The following DNAJC10 variants were observed in gnomAD, a reference collection of about 807,000 sequenced individuals.
DNAJC10 encodes endoplasmic reticulum disulfide reductase DNAJC10.
DNAJC10 carries 101 observed loss-of-function variants against 115.0 expected under a neutral mutation model. That is an observed-to-expected ratio of 0.88 (90% CI 0.75 to 1.04). The LOEUF (loss-of-function observed/expected upper bound fraction) is 1.04. DNAJC10 is among the 50% of genes least tolerant of loss of function. DNAJC10 has a pLI of 0.00. For missense variants in DNAJC10, 981 were observed against 928.8 expected, an observed-to-expected ratio of 1.06 and a Z score of -0.73; for synonymous variants, 307 against 301.5, an observed-to-expected ratio of 1.02 and a Z score of -0.19.
At chr2:182,772,450 A>C (rs1340956363) in intron 22 of DNAJC10, among the ~76,000 whole-genome samples, 2 of 152,170 alleles carry the variant, frequency 1.3e-5, no homozygotes, top group African/African-American at 4.8e-5. Flanking sequence ...GTGGGAGTCT[A>C]AGTGTCTTTG....
At position 182,782,734 on chromosome 2, in the gene DNAJC10, A is replaced by G. The variant is rs750179047; in HGVS notation, c.*5602A>G. 7 of 152,206 alleles carry G rather than the reference A, an allele frequency of 4.6e-5. No homozygotes were observed. The highest frequency in any genetic ancestry group is 1.0e-4 in the Non-Finnish European group (7 of 68,040). The allele number at this position is 152,206 out of a possible 1,614,324, so 9.4% of individuals were successfully genotyped here. A position where few individuals can be genotyped will look rare whatever the true frequency, so the allele number is the denominator to read the frequency against. ...CTCTCTGTTTGTCAATTATTGGTGT[A>G]TAGGAATGCTTGTGATTTTTGCACA... is the stretch of plus-strand genomic sequence containing the variant. On this transcript the variant is annotated 3_prime_UTR_variant, in exon 24 of 24. Transcript: ENST00000264065.
At chr2:182,756,557 C>T (rs1222628408) in intron 18 of DNAJC10, 88 bp downstream of exon 18, 8 of 1,260,834 alleles carry the variant, frequency 6.3e-6, no homozygotes, top group Non-Finnish European at 8.8e-6. Flanking sequence ...GTGAATGAAC[C>T]CACAACTAAA....
At chr2:182,729,119 C>A in intron 7 of DNAJC10, 125 bp downstream of exon 7, 1 of 951,380 alleles carries the variant, frequency 1.1e-6, no homozygotes, top group Non-Finnish European at 1.6e-6. Context: ...TGCCATCTCA[C>A]TAGTCTTCTG....
Position 182,728,995 on chromosome 2 carries a change from G to T in DNAJC10, c.633+1G>T, listed in dbSNP as rs1469715999. 6.2e-7 allele frequency: 1 copy of T among 1,613,724 alleles called. No homozygotes were observed. Among genetic ancestry groups the T allele is most frequent in the African/African-American group, 1.3e-5 (1 of 74,912 alleles). ...CCTCTTCATTTTTCGGTCTGGAATG[G>T]TAAGGGATAAAGTTAGCATTTTTTA... On this transcript the variant is annotated splice_donor_variant, in intron 7 of 23. Coordinates refer to ENST00000264065, the MANE Select transcript of DNAJC10 (RefSeq NM_018981.4). LOFTEE classifies it high-confidence loss of function.
At position 182,757,701 on chromosome 2, in the gene DNAJC10, G is replaced by A; in HGVS notation, c.1819G>A (p.Gly607Arg). 3 of 1,562,828 alleles carry A rather than the reference G, an allele frequency of 1.9e-6. No individual in the cohort carries two copies. The highest frequency in any genetic ancestry group is 2.3e-5 in the East Asian group (1 of 43,628). The change falls in exon 19 of 24, where the codon GGA (glycine) becomes AGA (arginine). Residue 607 changes from glycine (G) to arginine (R), a missense_variant. Coordinates refer to ENST00000264065, the MANE Select transcript of DNAJC10 (RefSeq NM_018981.4). ...EWKRMARTLT[G>R]LINVGSIDCQ... Reference sequence around the variant, plus strand: ...GTTTTTTCTTTTACAGACATTAACTGGACTGATCAACGTGGGCAGTATAGA... The same window carrying A: ...GTTTTTTCTTTTACAGACATTAACTAGACTGATCAACGTGGGCAGTATAGA...
intron 11 of DNAJC10, chr2:182,739,913 C>T (rs1401887219): frequency 4.7e-5 from 46 of 986,380 alleles, no homozygotes; most frequent in Non-Finnish European, 5.3e-5. Context: ...ATGTGTAAAA[C>T]ATTGGCATTC....
chr2:182,736,484 A>G (rs1693588257), intron 11 of DNAJC10, 98 bp downstream of exon 11: 3 of 843,420 alleles, frequency 3.6e-6, no homozygotes, highest in South Asian at 3.5e-5. Context: ...GAAATGAACA[A>G]TTTATATTGT....
intron 23 of DNAJC10, among the ~76,000 whole-genome samples, chr2:182,776,695 A>G (rs556077213): frequency 6.6e-6 from 1 of 152,196 alleles, no homozygotes; most frequent in Non-Finnish European, 1.5e-5. Context: ...GGAAAGAGTT[A>G]TGAGTCTGTA....
chr2:182,728,691 T>C, intron 6 of DNAJC10, 33 bp downstream of exon 6: 4 of 1,566,710 alleles, frequency 2.6e-6, no homozygotes, highest in Non-Finnish European at 3.5e-6. Flanking sequence ...TTACTAGTTT[T>C]ATTTCTAATT....
chr2:182,722,426 GATTTA>G (rs1693173141), intron 5 of DNAJC10, among the ~76,000 whole-genome samples: 3 of 152,118 alleles, frequency 2.0e-5, no homozygotes, highest in African/African-American at 7.2e-5. Flanking sequence ...TTTGGAAGTA[GATTTA>G]ATTTGATTGG....
At position 182,755,044 on chromosome 2, in the gene DNAJC10, G is replaced by A. The variant is rs1179989311; in HGVS notation, c.1593G>A (p.Gln531=). 4 of 1,609,968 alleles carry A rather than the reference G, an allele frequency of 2.5e-6. No individual in the cohort carries two copies. The highest frequency in any genetic ancestry group is 2.7e-5 in the African/African-American group (2 of 74,776). The part of the protein sequence containing the change: ...QAYPTTVVFN[Q]SNIHEYEGHH... ...ATCCAACAACAGTGGTATTCAACCAGTCCAACATTCATGAGTATGAAGGAC... is the reference window on the plus strand; with the variant it reads ...ATCCAACAACAGTGGTATTCAACCAATCCAACATTCATGAGTATGAAGGAC... The change falls in exon 17 of 24, where the codon CAG becomes CAA. Residue 531 remains glutamine, a synonymous_variant. Coordinates refer to ENST00000264065, the MANE Select transcript of DNAJC10 (RefSeq NM_018981.4).
intron 11 of DNAJC10, among the ~76,000 whole-genome samples, chr2:182,739,318 T>C (rs1203347549): frequency 1.3e-5 from 2 of 150,512 alleles, no homozygotes; most frequent in Non-Finnish European, 3.0e-5. Flanking sequence ...ATTCTTATGT[T>C]GTACCTATTA....
intron 9 of DNAJC10, among the ~76,000 whole-genome samples, chr2:182,731,913 A>G (rs1693457152): frequency 6.6e-6 from 1 of 152,146 alleles, no homozygotes; most frequent in Non-Finnish European, 1.5e-5. Flanking sequence ...CTGTTCATCC[A>G]CACATGAACA....
At chr2:182,760,461 C>T (rs1320970465) in intron 21 of DNAJC10, among the ~76,000 whole-genome samples, 6 of 152,170 alleles carry the variant, frequency 3.9e-5, no homozygotes, top group Non-Finnish European at 7.3e-5. Context: ...TTCGGTATAG[C>T]ATTGTCCATC....
chr2:182,783,803 A>G lies in DNAJC10; in HGVS notation c.*6671A>G, dbSNP rs558926717. 2 of 152,228 alleles carry G rather than the reference A, an allele frequency of 1.3e-5. No individual in the cohort carries two copies. The highest frequency in any genetic ancestry group is 2.1e-4 in the South Asian group (1 of 4,818). 9.4% of individuals were successfully genotyped at this position (152,228 alleles called of 1,614,324 possible). A position where few individuals can be genotyped will look rare whatever the true frequency, so the allele number is the denominator to read the frequency against. ...GGTATATTACTTGAAGATCAACTAT[A>G]TTGTTATTTTTAGTATGTTAGCAAT... is the stretch of plus-strand genomic sequence containing the variant. On this transcript the variant is annotated 3_prime_UTR_variant, in exon 24 of 24. Coordinates refer to ENST00000264065, the MANE Select transcript of DNAJC10 (RefSeq NM_018981.4).
At chr2:182,722,387 T>A (rs960251729) in intron 5 of DNAJC10, among the ~76,000 whole-genome samples, 1 of 152,116 alleles carries the variant, frequency 6.6e-6, no homozygotes, top group Non-Finnish European at 1.5e-5. Flanking sequence ...GCTTTTTGAT[T>A]TTAGAGTTTT....
At chr2:182,760,767 A>G (rs1298434477) in intron 21 of DNAJC10, among the ~76,000 whole-genome samples, 1 of 152,180 alleles carries the variant, frequency 6.6e-6, no homozygotes, top group East Asian at 1.9e-4. Flanking sequence ...ACTAAAGCTT[A>G]GCATCCCAGG....
Position 182,784,817 on chromosome 2 carries a change from G to C in DNAJC10, c.*7685G>C, listed in dbSNP as rs1365805346. 6.6e-6 allele frequency: 1 copy of C among 152,066 alleles called. No homozygotes were observed. The highest frequency in any genetic ancestry group is 1.9e-4 in the East Asian group (1 of 5,176). The allele number at this position is 152,066 out of a possible 1,614,324, so 9.4% of individuals were successfully genotyped here. A position where few individuals can be genotyped will look rare whatever the true frequency, so the allele number is the denominator to read the frequency against. On this transcript the variant is annotated 3_prime_UTR_variant, in exon 24 of 24. Transcript: ENST00000264065. ...GATTTTTAGGGCTTCATAATTTCTT[G>C]TTGCTCTGTGTAAATCCCTCTGATA... is the stretch of plus-strand genomic sequence containing the variant.
At chr2:182,776,341 G>A (rs188561832) in intron 23 of DNAJC10, among the ~76,000 whole-genome samples, 5 of 152,282 alleles carry the variant, frequency 3.3e-5, no homozygotes, top group African/African-American at 1.2e-4. Flanking sequence ...CTGTCAAGAA[G>A]CAGCACAACC....
Sources: gnomAD v4.1 joint callset for allele counts (sites outside exome capture counted in the v4.1 genomes callset) on GRCh38, gnomAD v4.1.1 for gene constraint, MANE v1.5 for transcripts, NCBI Gene and HGNC (gene_info 2026-07-23, HGNC 2026-07-21) for gene names.